The following EXT1 variants were observed in gnomAD, a reference collection of about 807,000 sequenced individuals.
The protein encoded by EXT1 is exostosin glycosyltransferase 1, also known as exostosin-1.
Under a neutral mutation model 82.5 loss-of-function variants are expected in EXT1, and 20 were observed. The observed-to-expected ratio is 0.24, with a 90% CI of 0.17 to 0.35. The LOEUF is 0.35. Ranked by LOEUF, EXT1 falls within the 10% of genes least tolerant of loss-of-function variation. EXT1 has a pLI of 1.00. For missense variants in EXT1, 757 were observed against 936.5 expected, an observed-to-expected ratio of 0.81 and a Z score of 2.50; for synonymous variants, 348 against 350.8, an observed-to-expected ratio of 0.99 and a Z score of 0.09.
intron 1 of EXT1, among the ~76,000 whole-genome samples, chr8:118,057,769 A>G (rs1816818344): frequency 6.6e-6 from 1 of 151,726 alleles, no homozygotes; most frequent in Admixed American, 6.6e-5. Flanking sequence ...AGGTCAGAAG[A>G]TCGAGACCAT....
intron 1 of EXT1, among the ~76,000 whole-genome samples, chr8:118,050,480 T>C (rs1816699561): frequency 6.6e-6 from 1 of 152,234 alleles, no homozygotes; most frequent in African/African-American, 2.4e-5. Flanking sequence ...GATTATTCAT[T>C]TTCGATCTGC....
chr8:117,852,215 T>C (rs10094440), intron 1 of EXT1, among the ~76,000 whole-genome samples: 14,314 of 152,174 alleles, frequency 0.094, 938 homozygotes, highest in African/African-American at 0.19. Flanking sequence ...TTGTACACAA[T>C]TGCACGTTGC....
At chr8:118,028,726 T>G (rs918184992) in intron 1 of EXT1, among the ~76,000 whole-genome samples, 1 of 151,922 alleles carries the variant, frequency 6.6e-6, no homozygotes, top group Non-Finnish European at 1.5e-5. Flanking sequence ...TGTCAGGAGT[T>G]AGAGACCAGC....
chr8:117,804,639 C>T (rs996630823), intron 10 of EXT1, 83 bp downstream of exon 10: 3 of 1,478,498 alleles, frequency 2.0e-6, no homozygotes, highest in Non-Finnish European at 2.8e-6. Context: ...CTGGGTGGAA[C>T]AGCTAGAGGA....
At chr8:117,939,571 G>GAAAAA (rs11420757) in intron 1 of EXT1, among the ~76,000 whole-genome samples, 6 of 122,872 alleles carry the variant, frequency 4.9e-5, no homozygotes, top group African/African-American at 2.0e-4. Flanking sequence ...CTCCATCTCT[G>GAAAAA]AAAAAAAAAA....
chr8:118,052,653 T>C lies in EXT1; in HGVS notation c.962+57432A>G, dbSNP rs528771412. Among the ~76,000 whole-genome samples the C allele has an allele frequency of 5.3e-5, 8 of 152,292 alleles. No homozygotes were observed. In the East Asian group the frequency reaches 1.3e-3, roughly 26 times the overall value. ...TTAAACCCCATTTAATAGCCACCTC[T>C]CCAAAAGAAGTACTAGTCCAAATGA... On this transcript the variant is annotated intron_variant, in intron 1 of 10. Coordinates refer to ENST00000378204, the MANE Select transcript of EXT1 (RefSeq NM_000127.3).
At chr8:117,864,308 G>A (rs887156784) in intron 1 of EXT1, among the ~76,000 whole-genome samples, 1 of 152,170 alleles carries the variant, frequency 6.6e-6, no homozygotes, top group African/African-American at 2.4e-5. Context: ...TACACACACA[G>A]CACTGTCACT....
At chr8:117,964,792 C>T (rs1814774109) in intron 1 of EXT1, among the ~76,000 whole-genome samples, 1 of 152,114 alleles carries the variant, frequency 6.6e-6, no homozygotes, top group Non-Finnish European at 1.5e-5. Context: ...CGTGTGCCAC[C>T]ATGCCTGGCT....
chr8:117,950,249 T>TAAATA (rs909335659), intron 1 of EXT1, among the ~76,000 whole-genome samples: 1 of 151,858 alleles, frequency 6.6e-6, no homozygotes, highest in African/African-American at 2.4e-5. Context: ...ACAAACAAAA[T>TAAATA]AAATAAAATA....
chr8:117,810,084 A>G (rs900584044), intron 8 of EXT1, among the ~76,000 whole-genome samples: 6 of 152,228 alleles, frequency 3.9e-5, no homozygotes, highest in Non-Finnish European at 8.8e-5. Context: ...TAACACATCA[A>G]AGAAGGCAAA....
At chr8:117,876,838 G>A (rs1005666337) in intron 1 of EXT1, among the ~76,000 whole-genome samples, 7 of 152,108 alleles carry the variant, frequency 4.6e-5, no homozygotes, top group Admixed American at 6.5e-5. Flanking sequence ...TTAAGTCGGA[G>A]GCCATCTTTC....
intron 1 of EXT1, among the ~76,000 whole-genome samples, chr8:117,858,840 GGAAGGAAAGAAAGAAAGAAAGAAA>G (rs1454410256): frequency 2.2e-4 from 13 of 58,324 alleles, no homozygotes; most frequent in African/African-American, 6.9e-4. Context: ...AAGGAAGGAA[GGAAGGAAAGAAAGAAAGAAAGAAA>G]GAAAGAAAGA....
intron 1 of EXT1, among the ~76,000 whole-genome samples, chr8:117,897,687 T>C (rs930011403): frequency 6.2e-5 from 9 of 144,176 alleles, no homozygotes; most frequent in Non-Finnish European, 1.5e-5. Flanking sequence ...CTCTGCCTCC[T>C]GGGTTCAAGC....
chr8:118,066,376 A>ATTTAT, intron 1 of EXT1, among the ~76,000 whole-genome samples: 1 of 147,514 alleles, frequency 6.8e-6, no homozygotes. Flanking sequence ...TTATTTATTT[A>ATTTAT]TTAGACAGAG....
At chr8:117,861,622 G>A (rs1180930950) in intron 1 of EXT1, among the ~76,000 whole-genome samples, 2 of 140,590 alleles carry the variant, frequency 1.4e-5, no homozygotes, top group South Asian at 4.7e-4. Flanking sequence ...AGCCTCCTGA[G>A]TAGCTGGGAT....
At position 117,795,446 on chromosome 8, in the gene EXT1, G is replaced by A. The variant is rs1823075480; in HGVS notation, c.*4266C>T. 1 of 150,506 alleles carries A rather than the reference G, an allele frequency of 6.6e-6. No homozygotes were observed. The highest frequency in any genetic ancestry group is 2.5e-5 in the African/African-American group (1 of 40,762). The allele number at this position is 150,506 out of a possible 1,614,324, so 9.3% of individuals were successfully genotyped here. On this transcript the variant is annotated 3_prime_UTR_variant, in exon 11 of 11. Transcript: ENST00000378204. ...CTGTACAGCATTATTGAACTGATGG[G>A]AGAGACCACTATCTTAGGGTACTTA...
chr8:118,092,522 C>G (rs1253020475), intron 1 of EXT1, among the ~76,000 whole-genome samples: 1 of 152,166 alleles, frequency 6.6e-6, no homozygotes, highest in African/African-American at 2.4e-5. Context: ...GATTCAAGGG[C>G]TACAGCCACT....
intron 1 of EXT1, among the ~76,000 whole-genome samples, chr8:118,016,649 G>C (rs1816009592): frequency 6.6e-6 from 1 of 152,190 alleles, no homozygotes; most frequent in African/African-American, 2.4e-5. Flanking sequence ...GCCATCTTCT[G>C]CTCTGCATTA....
At chr8:117,877,147 T>C (rs1308245379) in intron 1 of EXT1, among the ~76,000 whole-genome samples, 1 of 152,210 alleles carries the variant, frequency 6.6e-6, no homozygotes, top group Admixed American at 6.5e-5. Flanking sequence ...GCTTTCCTTT[T>C]AGTCAGTTCA....
Sources: allele counts gnomAD v4.1 joint callset (sites outside exome capture counted in the v4.1 genomes callset), GRCh38; gene constraint gnomAD v4.1.1; transcripts MANE v1.5; gene names NCBI Gene and HGNC (gene_info 2026-07-23, HGNC 2026-07-21).